Variants in TRDN observed in about 807,000 individuals in gnomAD.
The protein encoded by TRDN is triadin, also known as triadin in skeletal muscle.
Under a neutral mutation model 149.7 loss-of-function variants are expected in TRDN, and 161 were observed. The ratio of observed to expected loss-of-function variants is 1.08; its 90% CI spans 0.95 to 1.23. The LOEUF (loss-of-function observed/expected upper bound fraction) is 1.23, where lower values mean the gene tolerates loss of function less well. Ranked by LOEUF, TRDN falls within the 50% of genes most tolerant of loss-of-function variation. TRDN has a pLI of 0.00. For synonymous variants in TRDN, 294 were observed against 250.5 expected, an observed-to-expected ratio of 1.17 and a Z score of -1.64; for missense variants, 896 against 823.5, an observed-to-expected ratio of 1.09 and a Z score of -1.08.
intron 24 of TRDN, among the ~76,000 whole-genome samples, chr6:123,297,254 T>C (rs894990368): frequency 6.6e-6 from 1 of 152,072 alleles, no homozygotes; most frequent in Non-Finnish European, 1.5e-5. Context: ...TTCTCACTTT[T>C]CATCTCAGAC....
chr6:123,272,922 T>C (rs751188852), intron 29 of TRDN, 42 bp downstream of exon 29: 194 of 1,367,166 alleles, frequency 1.4e-4, no homozygotes, highest in Non-Finnish European at 1.8e-4. Context: ...AATTAGAACA[T>C]TGAGAGGTTA....
chr6:123,446,294 A>C (rs2114631514), intron 10 of TRDN, among the ~76,000 whole-genome samples: 1 of 152,138 alleles, frequency 6.6e-6, no homozygotes, highest in South Asian at 2.1e-4. Context: ...CTAGATGACA[A>C]GTTAGTGGGT....
At chr6:123,266,506 ATATTATAATATG>A (rs1776989107) in intron 32 of TRDN, among the ~76,000 whole-genome samples, 1 of 48,356 alleles carries the variant, frequency 2.1e-5, no homozygotes, top group Non-Finnish European at 3.1e-5. Flanking sequence ...TATAATATAT[ATATTATAATATG>A]TATTATATAT....
At chr6:123,390,099 C>A (rs930087472) in intron 13 of TRDN, among the ~76,000 whole-genome samples, 1 of 151,964 alleles carries the variant, frequency 6.6e-6, no homozygotes, top group African/African-American at 2.4e-5. Flanking sequence ...ATAAAATTAC[C>A]CCCTCGAAGG....
At chr6:123,330,431 T>G (rs1779613879) in intron 23 of TRDN, among the ~76,000 whole-genome samples, 4 of 152,012 alleles carry the variant, frequency 2.6e-5, no homozygotes, top group Admixed American at 2.6e-4. Context: ...ACGATTTATC[T>G]GCCTGTTGGA....
intron 12 of TRDN, among the ~76,000 whole-genome samples, chr6:123,428,096 T>TAGCTAGTCCACCTC (rs1289582788): frequency 1.3e-5 from 2 of 152,196 alleles, no homozygotes; most frequent in African/African-American, 4.8e-5. Context: ...TTCAATGTTG[T>TAGCTAGTCCACCTC]ATCTAGTCCA....
intron 12 of TRDN, 81 bp downstream of exon 12, chr6:123,437,982 T>C: frequency 8.2e-7 from 1 of 1,218,382 alleles, no homozygotes; most frequent in Non-Finnish European, 1.2e-6. Context: ...GTGTGCAATT[T>C]GTGTATGTTG....
chr6:123,284,438 G>T (rs1777728511), intron 24 of TRDN, among the ~76,000 whole-genome samples: 1 of 151,832 alleles, frequency 6.6e-6, no homozygotes, highest in Admixed American at 6.6e-5. Flanking sequence ...AATAGACACA[G>T]AAAAAGCATT....
intron 1 of TRDN, among the ~76,000 whole-genome samples, chr6:123,574,334 C>T (rs750617496): frequency 1.6e-4 from 25 of 151,898 alleles, no homozygotes; most frequent in Non-Finnish European, 2.9e-4. Flanking sequence ...ACTTCTAAAA[C>T]CCAGATTTCA....
intron 12 of TRDN, among the ~76,000 whole-genome samples, chr6:123,426,048 G>A (rs1774107499): frequency 6.6e-6 from 1 of 152,034 alleles, no homozygotes; most frequent in South Asian, 2.1e-4. Flanking sequence ...AGCAGGTGGG[G>A]AAGGCATACT....
At chr6:123,367,200 A>G (rs1781138296) in intron 19 of TRDN, among the ~76,000 whole-genome samples, 1 of 152,120 alleles carries the variant, frequency 6.6e-6, no homozygotes. Context: ...CCACAGGAAA[A>G]TAAAATAATA....
At chr6:123,328,491 C>CT (rs906155700) in intron 23 of TRDN, among the ~76,000 whole-genome samples, 7 of 152,190 alleles carry the variant, frequency 4.6e-5, no homozygotes, top group South Asian at 2.1e-4. Context: ...GTTTTTGTTT[C>CT]TTTTTTTCCT....
At chr6:123,391,866 G>GT (rs970517107) in intron 13 of TRDN, among the ~76,000 whole-genome samples, 17 of 152,044 alleles carry the variant, frequency 1.1e-4, no homozygotes, top group African/African-American at 4.1e-4. Flanking sequence ...CCAATTTTAA[G>GT]TTTTGTCTCC....
chr6:123,510,018 A>G (rs1203998788), intron 7 of TRDN: 1 of 152,126 alleles, frequency 6.6e-6, no homozygotes, highest in Non-Finnish European at 1.5e-5. Flanking sequence ...TAAAATGTCC[A>G]CTAGATTTCA....
intron 12 of TRDN, among the ~76,000 whole-genome samples, chr6:123,433,756 G>A (rs1401349217): frequency 1.3e-5 from 2 of 152,134 alleles, no homozygotes; most frequent in South Asian, 2.1e-4. Flanking sequence ...ATAAGATGAT[G>A]ACAAATTTAA....
chr6:123,627,305 T>C (rs1785728983), intron 1 of TRDN, among the ~76,000 whole-genome samples: 1 of 152,198 alleles, frequency 6.6e-6, no homozygotes, highest in African/African-American at 2.4e-5. Context: ...AATGATCTTC[T>C]GTTAGGCACG....
intron 12 of TRDN, among the ~76,000 whole-genome samples, chr6:123,427,517 C>G (rs1774172656): frequency 6.6e-6 from 1 of 152,074 alleles, no homozygotes; most frequent in Non-Finnish European, 1.5e-5. Flanking sequence ...CCCACTCTTT[C>G]TCTGTTTGAA....
chr6:123,592,115 T>C (rs1783819168), intron 1 of TRDN, among the ~76,000 whole-genome samples: 1 of 152,206 alleles, frequency 6.6e-6, no homozygotes, highest in Non-Finnish European at 1.5e-5. Flanking sequence ...AGACCTAAGA[T>C]GGGGGTCTTA....
At chr6:123,588,552 A>C (rs1329051785) in intron 1 of TRDN, among the ~76,000 whole-genome samples, 1 of 152,208 alleles carries the variant, frequency 6.6e-6, no homozygotes, top group African/African-American at 2.4e-5. Context: ...AAAATGAATA[A>C]AAATCCTGAT....
Sources: allele counts gnomAD v4.1 joint callset (sites outside exome capture counted in the v4.1 genomes callset), GRCh38; gene constraint gnomAD v4.1.1; transcripts MANE v1.5; gene names NCBI Gene and HGNC (gene_info 2026-07-23, HGNC 2026-07-21).